The following RFPL2 variants were observed in gnomAD, a reference collection of about 807,000 sequenced individuals.
RFPL2 encodes ret finger protein-like 2.
RFPL2 carries 13 observed loss-of-function variants against 17.8 expected under a neutral mutation model. The ratio of observed to expected loss-of-function variants is 0.73; its 90% CI spans 0.47 to 1.16. The LOEUF is 1.16. RFPL2 is among the 50% of genes most tolerant of loss of function. RFPL2 has a pLI of 0.00. For synonymous variants in RFPL2, 189 were observed against 180.9 expected, an observed-to-expected ratio of 1.04 and a Z score of -0.36; for missense variants, 431 against 479.3, an observed-to-expected ratio of 0.90 and a Z score of 0.94.
At chr22:32,193,938 C>T (rs1923027498) in intron 3 of RFPL2, among the ~76,000 whole-genome samples, 1 of 150,572 alleles carries the variant, frequency 6.6e-6, no homozygotes, top group East Asian at 2.0e-4. Flanking sequence ...TTTGCGAGGC[C>T]GAGGCAGGAA....
intron 2 of RFPL2, among the ~76,000 whole-genome samples, chr22:32,200,421 A>G (rs1923794693): frequency 6.6e-6 from 1 of 151,674 alleles, no homozygotes; most frequent in Admixed American, 6.6e-5. Flanking sequence ...TTTGACACTC[A>G]CCCTGGGTTC....
intron 2 of RFPL2, among the ~76,000 whole-genome samples, chr22:32,197,772 G>C (rs1017731330): frequency 1.4e-4 from 22 of 152,266 alleles, no homozygotes; most frequent in African/African-American, 4.8e-4. Context: ...ATTCCATGGT[G>C]CATATGTACC....
chr22:32,191,288 G>C lies in RFPL2; in HGVS notation c.621C>G (p.Ser207Arg), dbSNP rs763441658. Residue 207 changes from serine to arginine, a missense_variant, in exon 5 of 5, where the codon AGC (serine) becomes AGG (arginine). By Grantham distance (110) the Ser-to-Arg change is moderately radical. Transcript: ENST00000652607. Reference protein sequence around the residue: ...NFLLISDDLRSVRSGRIRQNR... With the variant: ...NFLLISDDLRRVRSGRIRQNR... ...TCTGTCTGATGCGCCCACTTCGGAC[G>C]CTCCTGAGGTCGTCAGAAATGAGGA... 1.9e-6 allele frequency: 3 copies of C among 1,613,792 alleles called. No individual in the cohort carries two copies. The highest frequency in any genetic ancestry group is 1.7e-6 in the Non-Finnish European group (2 of 1,179,860).
chr22:32,197,389 TTTTTTTTTTC>T (rs1952169989), intron 2 of RFPL2, among the ~76,000 whole-genome samples: 3 of 149,122 alleles, frequency 2.0e-5, no homozygotes. Flanking sequence ...AGCCAAGTTC[TTTTTTTTTTC>T]TTTTTTTTTA....
At chr22:32,195,181 A>C (rs983892479) in intron 2 of RFPL2, among the ~76,000 whole-genome samples, 4 of 151,952 alleles carry the variant, frequency 2.6e-5, no homozygotes, top group African/African-American at 9.7e-5. Flanking sequence ...TAATCTTATC[A>C]TTTTCCCTAT....
At position 32,191,288 on chromosome 22, in the gene RFPL2, G is replaced by A; in HGVS notation, c.621C>T (p.Ser207=). The A allele has an allele frequency of 1.9e-6, 3 of 1,613,910 alleles. No individual in the cohort carries two copies. Among genetic ancestry groups the A allele is most frequent in the South Asian group, 1.1e-5 (1 of 91,066 alleles). The change falls in exon 5 of 5, where the codon AGC becomes AGT. Residue 207 remains serine, a synonymous_variant. Transcript: ENST00000652607. ...NFLLISDDLR[S]VRSGRIRQNR... ...TCTGTCTGATGCGCCCACTTCGGAC[G>A]CTCCTGAGGTCGTCAGAAATGAGGA...
chr22:32,194,533 T>C, intron 2 of RFPL2, 43 bp from the exon 3 acceptor site: 3 of 1,567,682 alleles, frequency 1.9e-6, no homozygotes, highest in South Asian at 1.2e-5. Flanking sequence ...TTACTGGTGA[T>C]ATATCTCCAG....
At chr22:32,201,549 C>T (rs995597886) in intron 2 of RFPL2, among the ~76,000 whole-genome samples, 4 of 152,136 alleles carry the variant, frequency 2.6e-5, no homozygotes, top group Non-Finnish European at 5.9e-5. Flanking sequence ...TAGGACATGG[C>T]GATTCTCTCA....
At chr22:32,193,554 A>G in intron 3 of RFPL2, 1 of 1,256,756 alleles carries the variant, frequency 8.0e-7, no homozygotes, top group South Asian at 1.9e-5. Flanking sequence ...AGACTGATTG[A>G]TGAACATAAG....
intron 1 of RFPL2, among the ~76,000 whole-genome samples, chr22:32,204,108 C>T (rs1430957439): frequency 3.3e-5 from 5 of 150,764 alleles, no homozygotes; most frequent in Admixed American, 2.6e-4. Context: ...CGATAGCACC[C>T]AACCCGCACC....
chr22:32,201,229 G>A lies in RFPL2; in HGVS notation c.119+1104C>T, dbSNP rs184245664. Among the ~76,000 whole-genome samples, 9 of 152,038 alleles carry A rather than the reference G, an allele frequency of 5.9e-5. No individual in the cohort carries two copies. In the East Asian group the frequency reaches 1.5e-3, roughly 26 times the overall value. ...ATTTTTTTGTATTTTTAGTAGAGAC[G>A]GGGTTTCACCATATTAGCCAGGATG... On this transcript the variant is annotated intron_variant, in intron 2 of 4. Coordinates refer to ENST00000652607, the MANE Select transcript of RFPL2 (RefSeq NM_001394555.1).
At chr22:32,202,259 T>A (rs754853430) in intron 2 of RFPL2, 74 bp downstream of exon 2, 100 of 1,532,574 alleles carry the variant, frequency 6.5e-5, no homozygotes, top group Non-Finnish European at 8.3e-5. Context: ...ACTGTGACCC[T>A]CCTCCTGCCT....
At chr22:32,203,054 C>A in intron 1 of RFPL2, 1 of 985,742 alleles carries the variant, frequency 1.0e-6, no homozygotes, top group Non-Finnish European at 1.2e-6. Context: ...AGAGGAGGAC[C>A]GCTCCTCTCT....
Position 32,191,476 on chromosome 22 carries a change from C to G in RFPL2, c.557-124G>C, listed in dbSNP as rs990077256. ...TTTAATTCTCTTCTTCCCCCAAAAT[C>G]CAAACTTCATGAGGTAACTTCCCTG... is the stretch of plus-strand genomic sequence containing the variant. On this transcript the variant is annotated intron_variant, in intron 4 of 4. Coordinates refer to ENST00000652607, the MANE Select transcript of RFPL2 (RefSeq NM_001394555.1). 10 of 1,269,576 alleles carry G rather than the reference C, an allele frequency of 7.9e-6. No homozygotes were observed. In the African/African-American group the frequency reaches 1.5e-4, roughly 19 times the overall value. 78.6% of individuals were successfully genotyped at this position (1,269,576 alleles called of 1,614,324 possible).
chr22:32,194,195 C>T, intron 3 of RFPL2, 150 bp downstream of exon 3: 1 of 821,904 alleles, frequency 1.2e-6, no homozygotes, highest in Admixed American at 3.3e-5. Flanking sequence ...GACTGGGGAT[C>T]CAGGGTGACT....
chr22:32,198,963 A>G (rs144204807), intron 2 of RFPL2, among the ~76,000 whole-genome samples: 24 of 152,238 alleles, frequency 1.6e-4, no homozygotes, highest in African/African-American at 5.3e-4. Context: ...CATCCCATGG[A>G]GAAGAGAGAA....
In RFPL2 at chr22:32,202,392, T is replaced by C; in HGVS notation, c.60A>G (p.Leu20=). 1.2e-6 allele frequency: 2 copies of C among 1,606,394 alleles called. No individual in the cohort carries two copies. Among genetic ancestry groups the C allele is most frequent in the Non-Finnish European group, 1.7e-6 (2 of 1,176,568 alleles). The stretch of plus-strand genomic sequence containing the variant: ...CCCAGTGGCCACACAATACAGCACA[T>C]AGACAGATCCTGGATTGGGACACTG... ...ETAVSQSRIC[L]CAVLCGHWDF... The change falls in exon 2 of 5, where the codon CTA becomes CTG. Residue 20 remains leucine (L), a synonymous_variant. Coordinates refer to ENST00000652607, the MANE Select transcript of RFPL2 (RefSeq NM_001394555.1).
chr22:32,200,981 T>G (rs997485764), intron 2 of RFPL2, among the ~76,000 whole-genome samples: 2 of 151,520 alleles, frequency 1.3e-5, no homozygotes, highest in South Asian at 4.2e-4. Context: ...TTGTGAAAGA[T>G]AGTATCTGAG....
chr22:32,193,517 A>T, intron 3 of RFPL2: 1 of 1,371,224 alleles, frequency 7.3e-7, no homozygotes, highest in South Asian at 1.7e-5. Context: ...GGGTCATTTC[A>T]CCTCCTCCTA....
Sources: gnomAD v4.1 joint callset for allele counts (sites outside exome capture counted in the v4.1 genomes callset) on GRCh38, gnomAD v4.1.1 for gene constraint, MANE v1.5 for transcripts, NCBI Gene and HGNC (gene_info 2026-07-23, HGNC 2026-07-21) for gene names.